The following NAV2 variants were observed in gnomAD, a reference collection of about 807,000 sequenced individuals.
NAV2 encodes neuron navigator 2, also known as helicase, APC down-regulated 1.
In NAV2, 54 loss-of-function variants were observed where a neutral mutation model predicts 223.2. The observed-to-expected ratio is 0.24, with a 90% CI of 0.19 to 0.30. NAV2 has a LOEUF of 0.30. Among genes scored for constraint, NAV2 ranks in the 10% least tolerant of loss-of-function variants. The pLI, the probability that NAV2 is intolerant of heterozygous loss-of-function variation, is 1.00. For synonymous variants in NAV2, 1,279 were observed against 1,239.3 expected (o/e 1.03, Z -0.67); for missense variants, 2,806 against 3,147.5 (o/e 0.89, Z 2.60).
At chr11:19,506,726 C>T (rs2043134330) in intron 1 of NAV2, 1 of 152,162 alleles carries the variant, frequency 6.6e-6, no homozygotes, top group South Asian at 2.1e-4. Flanking sequence ...TGTGGGGTGA[C>T]TTGGTAGCTC....
chr11:19,538,786 T>TA (rs1170221859), intron 1 of NAV2, among the ~76,000 whole-genome samples: 6 of 152,154 alleles, frequency 3.9e-5, no homozygotes, highest in African/African-American at 1.4e-4. Context: ...CATACTATTG[T>TA]AAGAAATAAT....
chr11:19,957,811 A>G (rs1225521786), intron 10 of NAV2, among the ~76,000 whole-genome samples: 3 of 152,138 alleles, frequency 2.0e-5, no homozygotes, highest in Non-Finnish European at 4.4e-5. Flanking sequence ...CCCCATGGAG[A>G]AATGAAGTGT....
At chr11:19,585,599 G>C (rs2045869565) in intron 1 of NAV2, among the ~76,000 whole-genome samples, 1 of 152,124 alleles carries the variant, frequency 6.6e-6, no homozygotes, top group Non-Finnish European at 1.5e-5. Context: ...CTCAACATTT[G>C]CTTGTCTGTA....
chr11:19,602,864 C>G (rs965866589), intron 1 of NAV2, among the ~76,000 whole-genome samples: 1 of 152,122 alleles, frequency 6.6e-6, no homozygotes. Flanking sequence ...CTGCAAAGAT[C>G]CTTTTTCCAA....
At chr11:19,543,110 G>A (rs965112702) in intron 1 of NAV2, among the ~76,000 whole-genome samples, 3 of 152,158 alleles carry the variant, frequency 2.0e-5, no homozygotes, top group Admixed American at 1.3e-4. Flanking sequence ...TTAAGATAGG[G>A]CCATAAAAAG....
At chr11:19,937,733 T>C (rs2046035607) in intron 7 of NAV2, among the ~76,000 whole-genome samples, 1 of 152,260 alleles carries the variant, frequency 6.6e-6, no homozygotes, top group South Asian at 2.1e-4. Flanking sequence ...GACTTAAACA[T>C]TTCTTATTTA....
intron 1 of NAV2, 41 bp downstream of exon 1, chr11:19,714,003 G>A (rs748666123): frequency 1.2e-6 from 2 of 1,605,246 alleles, no homozygotes; most frequent in South Asian, 2.2e-5. Context: ...CTGGAAGGAT[G>A]GATGAATAGT....
At position 19,884,790 on chromosome 11, in the gene NAV2, T is replaced by C. The variant is rs559442349; in HGVS notation, c.770+4663T>C. ...TGTGTCTTGTGCTTTGTGTTGTTGTTGTTGTTGTTGTTGTTAAAATTACTA... is the reference window on the plus strand; with the variant it reads ...TGTGTCTTGTGCTTTGTGTTGTTGTCGTTGTTGTTGTTGTTAAAATTACTA... On this transcript the variant is annotated intron_variant, in intron 5 of 37. Transcript: ENST00000349880. 1.6e-4 allele frequency among the ~76,000 whole-genome samples: 24 copies of C among 152,146 alleles called. No individual in the cohort carries two copies. In the East Asian group the frequency reaches 4.6e-3, roughly 29 times the overall value.
intron 1 of NAV2, among the ~76,000 whole-genome samples, chr11:19,422,417 C>T (rs900820719): frequency 4.8e-4 from 73 of 152,302 alleles, no homozygotes; most frequent in Middle Eastern, 3.4e-3. Flanking sequence ...GAGACCCCCA[C>T]GGCCCTGAAG....
intron 1 of NAV2, among the ~76,000 whole-genome samples, chr11:19,418,291 C>G (rs1290936117): frequency 1.3e-5 from 2 of 152,126 alleles, no homozygotes; most frequent in Non-Finnish European, 2.9e-5. Flanking sequence ...TGAACAAGTT[C>G]TACATTGCAT....
chr11:19,693,226 C>A (rs1414892299), intron 1 of NAV2, among the ~76,000 whole-genome samples: 1 of 152,234 alleles, frequency 6.6e-6, no homozygotes, highest in Non-Finnish European at 1.5e-5. Flanking sequence ...TCCACAGGGT[C>A]CCCTCGTGAT....
intron 26 of NAV2, among the ~76,000 whole-genome samples, chr11:20,088,423 A>G (rs1417990351): frequency 6.6e-6 from 1 of 152,168 alleles, no homozygotes; most frequent in Non-Finnish European, 1.5e-5. Context: ...CCCACCTCAG[A>G]TGATCCACCT....
At chr11:19,547,414 A>G (rs150827454) in intron 1 of NAV2, among the ~76,000 whole-genome samples, 2 of 152,230 alleles carry the variant, frequency 1.3e-5, no homozygotes, top group African/African-American at 4.8e-5. Flanking sequence ...TGGTTTTTCT[A>G]ATTGCAAACT....
chr11:20,032,817 A>G (rs2055910671), intron 11 of NAV2, among the ~76,000 whole-genome samples: 1 of 152,190 alleles, frequency 6.6e-6, no homozygotes, highest in East Asian at 1.9e-4. Context: ...AACTTGCTCT[A>G]TCTTGCCTCT....
chr11:19,669,537 A>ATGCTCTGTT (rs977290330), intron 1 of NAV2, among the ~76,000 whole-genome samples: 12 of 152,250 alleles, frequency 7.9e-5, no homozygotes, highest in Non-Finnish European at 7.3e-5. Context: ...TGTGCACAGT[A>ATGCTCTGTT]TGCTCTGTTT....
chr11:19,399,776 G>T (rs1237021141), intron 1 of NAV2, among the ~76,000 whole-genome samples: 1 of 152,228 alleles, frequency 6.6e-6, no homozygotes, highest in Non-Finnish European at 1.5e-5. Context: ...GGGTAGGTCT[G>T]CCTGACTCTG....
At chr11:19,705,883 G>T (rs918305379) in intron 1 of NAV2, among the ~76,000 whole-genome samples, 2 of 151,976 alleles carry the variant, frequency 1.3e-5, no homozygotes, top group African/African-American at 4.8e-5. Flanking sequence ...ATATTGAACC[G>T]CTCCCAGGAA....
chr11:20,048,986 C>T lies in NAV2; in HGVS notation c.4161C>T (p.Asn1387=), dbSNP rs756746120. The change falls in exon 15 of 38, where the codon AAC becomes AAT. Residue 1387 remains asparagine, a synonymous_variant. Transcript: ENST00000349880. The part of the protein sequence containing the change: ...APSNSLTWGT[N]ASSSSAVSKD... ...CCAACAGCCTCACCTGGGGCACCAA[C>T]GCCAGCAGCTCCTCCGCAGTTAGCA... 53 of 1,614,194 alleles carry T rather than the reference C, an allele frequency of 3.3e-5. No homozygotes were observed. The highest frequency in any genetic ancestry group is 8.3e-5 in the Admixed American group (5 of 60,020).
intron 1 of NAV2, among the ~76,000 whole-genome samples, chr11:19,487,275 G>T (rs926606017): frequency 6.6e-6 from 1 of 152,142 alleles, no homozygotes. Flanking sequence ...GTGCTGAAAG[G>T]CATTCCTGTT....
Sources: allele counts gnomAD v4.1 joint callset (sites outside exome capture counted in the v4.1 genomes callset), GRCh38; gene constraint gnomAD v4.1.1; transcripts MANE v1.5; gene names NCBI Gene and HGNC (gene_info 2026-07-23, HGNC 2026-07-21).